NR1I3: variants seen among roughly 807,000 people sequenced by gnomAD.
NR1I3 encodes the protein constitutive activator of retinoid response.
Under a neutral mutation model 38.4 loss-of-function variants are expected in NR1I3, and 30 were observed. The observed-to-expected ratio is 0.78, with a 90% CI of 0.58 to 1.06. The LOEUF (loss-of-function observed/expected upper bound fraction) is 1.06, where lower values mean the gene tolerates loss of function less well. Ranked by LOEUF, NR1I3 falls within the 50% of genes least tolerant of loss-of-function variation. The pLI is 0.00. For synonymous variants in NR1I3, 143 were observed against 165.1 expected (o/e 0.87, Z 1.03); for missense variants, 388 against 435.7 (o/e 0.89, Z 0.97).
rs767873349 is a variant in NR1I3, at chr1:161,236,604, T to C, written c.-33-6A>G. On this transcript the variant is annotated splice_region_variant and splice_polypyrimidine_tract_variant and intron_variant, in intron 1 of 8. Coordinates refer to ENST00000367983, the MANE Select transcript of NR1I3 (RefSeq NM_005122.5). ...GGGGTGGCTGTCACAGACTCCTGAA[T>C]GTAGGAGGGGTCAGCAGTCAGTTTT... 2 of 1,612,886 alleles carry C rather than the reference T, an allele frequency of 1.2e-6. No homozygotes were observed. The highest frequency in any genetic ancestry group is 2.2e-5 in the East Asian group (1 of 44,884).
rs1234493980 is a variant in NR1I3, at chr1:161,233,460, A to C, written c.239-122T>G. 5 of 1,040,384 alleles carry C rather than the reference A, an allele frequency of 4.8e-6. No homozygotes were observed. In the East Asian group the frequency reaches 1.2e-4, roughly 26 times the overall value. The allele number at this position is 1,040,384 out of a possible 1,614,324, so 64.4% of individuals were successfully genotyped here. ...ACGAAGGATGGGGGCAGTGGGGGGA[A>C]TTCCTGAGACTTTCTTGGGCTTGGC... On this transcript the variant is annotated intron_variant, in intron 3 of 8. Transcript: ENST00000367983.
In NR1I3 at chr1:161,230,919, C is replaced by T; in HGVS notation, c.812-1G>A. The T allele has an allele frequency of 6.2e-7, 1 of 1,614,052 alleles. No individual in the cohort carries two copies. Among genetic ancestry groups the T allele is most frequent in the Non-Finnish European group, 8.5e-7 (1 of 1,179,990 alleles). ...TCTCTCTGGGTAACTCCAGGTCGGT[C>T]TGTAAGATAGGGAGCTGGGAAGGAC... On this transcript the variant is annotated splice_acceptor_variant, in intron 7 of 8. Coordinates refer to ENST00000367983, the MANE Select transcript of NR1I3 (RefSeq NM_005122.5). LOFTEE classifies it high-confidence loss of function.
At chr1:161,237,961 C>T in intron 1 of NR1I3, 80 bp downstream of exon 1, 1 of 1,392,218 alleles carries the variant, frequency 7.2e-7, no homozygotes, top group Non-Finnish European at 1.0e-6. Flanking sequence ...TGGAATGACA[C>T]ACGTGAGCCA....
intron 3 of NR1I3, among the ~76,000 whole-genome samples, chr1:161,234,532 C>T (rs1054963767): frequency 1.3e-5 from 2 of 152,130 alleles, no homozygotes; most frequent in African/African-American, 4.8e-5. Context: ...GTTTGGGAGT[C>T]AGGTAAACTT....
chr1:161,230,727 T>TAA (rs201634883), intron 8 of NR1I3, 86 bp downstream of exon 8: 1 of 1,580,774 alleles, frequency 6.3e-7, no homozygotes, highest in African/African-American at 1.3e-5. Flanking sequence ...GAAAGGACAG[T>TAA]AAAAAAACAT....
chr1:161,230,116 CTG>C (rs1180832162), intron 8 of NR1I3, 190 bp from the exon 9 acceptor site: 1 of 617,192 alleles, frequency 1.6e-6, no homozygotes, highest in East Asian at 2.9e-5. Flanking sequence ...CGGTCTGACA[CTG>C]TCTTCTCTCA....
chr1:161,233,129 C>G (rs775071619), intron 4 of NR1I3, 40 bp downstream of exon 4: 5 of 1,605,360 alleles, frequency 3.1e-6, no homozygotes, highest in Non-Finnish European at 4.3e-6. Context: ...TTTGGGTGCC[C>G]TTTTAGTTGT....
intron 3 of NR1I3, chr1:161,235,282 T>TTTTA (rs1668376953): frequency 1.7e-5 from 2 of 121,126 alleles, no homozygotes; most frequent in South Asian, 3.0e-4. Context: ...TTTTTTTTTT[T>TTTTA]GAGTCGGAAT....
At chr1:161,235,615 G>T in intron 3 of NR1I3, 1 of 441,760 alleles carries the variant, frequency 2.3e-6, no homozygotes, top group Non-Finnish European at 4.1e-6. Context: ...AGAATTGGTT[G>T]AGTAAAGGGG....
rs1298228568 is a variant in NR1I3, at chr1:161,236,573, C to T, written c.-8G>A. 18 of 1,613,874 alleles carry T rather than the reference C, an allele frequency of 1.1e-5. No homozygotes were observed. The highest frequency in any genetic ancestry group is 9.3e-5 in the African/African-American group (7 of 74,904). On this transcript the variant is annotated 5_prime_UTR_variant, in exon 2 of 9. In the 5' UTR this introduces an upstream ATG that the reference lacks. Coordinates refer to ENST00000367983, the MANE Select transcript of NR1I3 (RefSeq NM_005122.5). ...ATCTTCCCTACTGGCCATGACGTCACGTGTTGGGGTGGCTGTCACAGACTC... is the reference window on the plus strand; with the variant it reads ...ATCTTCCCTACTGGCCATGACGTCATGTGTTGGGGTGGCTGTCACAGACTC...
Position 161,229,718 on chromosome 1 carries a change from A to G in NR1I3, c.*79T>C. On this transcript the variant is annotated 3_prime_UTR_variant, in exon 9 of 9. Transcript: ENST00000367983. ...ACTGGGCTCCCTTTGAACCCGGCCC[A>G]ATCTTTGGTCCCAGCATTTTCCCAC... 6.2e-7 allele frequency: 1 copy of G among 1,614,190 alleles called. No homozygotes were observed. The highest frequency in any genetic ancestry group is 1.1e-5 in the South Asian group (1 of 91,084).
At chr1:161,237,546 C>T (rs943129314) in intron 1 of NR1I3, among the ~76,000 whole-genome samples, 2 of 151,328 alleles carry the variant, frequency 1.3e-5, no homozygotes, top group Admixed American at 6.6e-5. Context: ...GGTGAAACCC[C>T]GTCTCTACTA....
intron 8 of NR1I3, chr1:161,230,463 G>A (rs1326287309): frequency 6.2e-6 from 3 of 487,144 alleles, no homozygotes; most frequent in African/African-American, 2.0e-5. Context: ...GAGAGGAAAG[G>A]CCAAGGGAAG....
intron 3 of NR1I3, among the ~76,000 whole-genome samples, chr1:161,233,975 A>G (rs565073952): frequency 1.3e-5 from 2 of 151,008 alleles, no homozygotes; most frequent in South Asian, 2.1e-4. Flanking sequence ...ATATGTGTAT[A>G]TATATATTTT....
At position 161,231,405 on chromosome 1, in the gene NR1I3, G is replaced by GC; in HGVS notation, c.617_618insG (p.Asn207GlnfsTer21). ...GTGTTTGGAGACAGAAAGTGGTATT[G>GC]AGTACGATGTGACAGATTTCCACAG... is the stretch of plus-strand genomic sequence containing the variant. On this transcript the variant is annotated frameshift_variant, in exon 6 of 9. Coordinates refer to ENST00000367983, the MANE Select transcript of NR1I3 (RefSeq NM_005122.5). LOFTEE classifies it high-confidence loss of function. 6.4e-7 allele frequency: 1 copy of GC among 1,570,166 alleles called. No homozygotes were observed. The highest frequency in any genetic ancestry group is 8.6e-7 in the Non-Finnish European group (1 of 1,164,562).
intron 1 of NR1I3, 117 bp downstream of exon 1, chr1:161,237,924 T>A: frequency 1.0e-6 from 1 of 971,656 alleles, no homozygotes; most frequent in Non-Finnish European, 1.6e-6. Flanking sequence ...GCTCAAGCGA[T>A]CCCCCCACCT....
chr1:161,237,174 C>T (rs1668761522), intron 1 of NR1I3, among the ~76,000 whole-genome samples: 1 of 150,514 alleles, frequency 6.6e-6, no homozygotes, highest in African/African-American at 2.4e-5. Flanking sequence ...TCCTTCCTTC[C>T]TTCCTCCCTC....
chr1:161,229,988 T>C, intron 8 of NR1I3, 62 bp from the exon 9 acceptor site: 1 of 1,592,544 alleles, frequency 6.3e-7, no homozygotes, highest in Non-Finnish European at 8.6e-7. Context: ...TTGGGAGTCT[T>C]GTCTCTAGGC....
At chr1:161,231,002 C>T in intron 7 of NR1I3, 84 bp from the exon 8 acceptor site, 1 of 1,612,892 alleles carries the variant, frequency 6.2e-7, no homozygotes, top group Non-Finnish European at 8.5e-7. Context: ...CTGGGATAGA[C>T]CTAGTCTGCA....
Sources: gnomAD v4.1 joint callset for allele counts (sites outside exome capture counted in the v4.1 genomes callset) on GRCh38, gnomAD v4.1.1 for gene constraint, MANE v1.5 for transcripts, NCBI Gene and HGNC (gene_info 2026-07-23, HGNC 2026-07-21) for gene names.